Variants in GRM8 observed in about 807,000 individuals in gnomAD.
GRM8 encodes the protein glutamate metabotropic receptor 8.
In GRM8, 47 loss-of-function variants were observed where a neutral mutation model predicts 87.2. That is an observed-to-expected ratio of 0.54 (90% CI 0.43 to 0.69). GRM8 has a LOEUF of 0.69. Ranked by LOEUF, GRM8 falls within the 30% of genes least tolerant of loss-of-function variation. GRM8 has a pLI of 0.00. For missense variants in GRM8, 1,019 were observed against 1,139.2 expected, an observed-to-expected ratio of 0.89 and a Z score of 1.52; for synonymous variants, 396 against 404.5, an observed-to-expected ratio of 0.98 and a Z score of 0.25.
rs1379665138 is a variant in GRM8 at position 127,091,933 on chromosome 7, G to A, written c.727+14563C>T. Among the ~76,000 whole-genome samples the A allele has an allele frequency of 3.5e-3, 82 of 23,104 alleles. 1 individual carries two copies. The highest frequency in any genetic ancestry group is 0.016 in the African/African-American group (79 of 4,982). 15.2% of individuals were successfully genotyped at this position (23,104 alleles called of 152,430 possible). A position where few individuals can be genotyped will look rare whatever the true frequency, so the allele number is the denominator to read the frequency against. ...CCCCTCCAACCCACTGATCATCCCC[G>A]CCATCCCACTGGTCATCCCCCCATC... On this transcript the variant is annotated intron_variant, in intron 3 of 10. Transcript: ENST00000339582.
intron 7 of GRM8, among the ~76,000 whole-genome samples, chr7:126,641,362 T>C (rs1441185798): frequency 1.3e-5 from 2 of 152,090 alleles, no homozygotes; most frequent in African/African-American, 4.8e-5. Context: ...TTTAGTCCAA[T>C]AAAAAGAAAC....
At chr7:127,020,520 G>T (rs1816157640) in intron 3 of GRM8, among the ~76,000 whole-genome samples, 1 of 151,966 alleles carries the variant, frequency 6.6e-6, no homozygotes, top group Non-Finnish European at 1.5e-5. Flanking sequence ...CTTCTTTTAG[G>T]GCAGTCTGGC....
chr7:126,969,095 C>A (rs921467305), intron 3 of GRM8, among the ~76,000 whole-genome samples: 1 of 152,096 alleles, frequency 6.6e-6, no homozygotes, highest in African/African-American at 2.4e-5. Flanking sequence ...TATTTTATTG[C>A]TAAAAATGCA....
At chr7:126,540,626 C>G (rs112759869) in intron 8 of GRM8, among the ~76,000 whole-genome samples, 10 of 152,246 alleles carry the variant, frequency 6.6e-5, no homozygotes, top group African/African-American at 2.4e-4. Flanking sequence ...TTGACACCTA[C>G]TACAAAATGG....
At chr7:126,817,717 G>A (rs1288860094) in intron 6 of GRM8, among the ~76,000 whole-genome samples, 1 of 152,012 alleles carries the variant, frequency 6.6e-6, no homozygotes, top group Non-Finnish European at 1.5e-5. Context: ...GACATTTGAG[G>A]GGAGTGGCTG....
At chr7:126,897,963 G>A (rs1190911426) in intron 6 of GRM8, among the ~76,000 whole-genome samples, 5 of 152,108 alleles carry the variant, frequency 3.3e-5, no homozygotes, top group Non-Finnish European at 5.9e-5. Context: ...TAAGACAGAA[G>A]TCCCTCCCTG....
At chr7:127,147,937 C>T (rs1019954382) in intron 2 of GRM8, among the ~76,000 whole-genome samples, 5 of 152,182 alleles carry the variant, frequency 3.3e-5, no homozygotes, top group South Asian at 2.1e-4. Flanking sequence ...TGCCCATCTT[C>T]GAACTCAACT....
At position 126,909,841 on chromosome 7, in the gene GRM8, C is replaced by A. The variant is rs13246983; in HGVS notation, c.728-5158G>T. On this transcript the variant is annotated intron_variant, in intron 3 of 10. Coordinates refer to ENST00000339582, the MANE Select transcript of GRM8 (RefSeq NM_000845.3). ...GGAAAATGAGAAACAGGGGTACCAA[C>A]GGCTTGCAAGATACTGAAATCCAGG... 4.2e-3 allele frequency among the ~76,000 whole-genome samples: 640 copies of A among 152,190 alleles called. 7 individuals carry two copies. Among genetic ancestry groups the A allele is most frequent in the African/African-American group, 0.014 (599 of 41,550 alleles).
intron 6 of GRM8, among the ~76,000 whole-genome samples, chr7:126,804,769 C>A (rs541968836): frequency 7.9e-5 from 12 of 152,274 alleles, no homozygotes; most frequent in South Asian, 4.1e-4. Context: ...ATGTTTATAA[C>A]AAAGGATATG....
At chr7:127,081,517 G>A (rs17865862) in intron 3 of GRM8, among the ~76,000 whole-genome samples, 1,679 of 152,238 alleles carry the variant, frequency 0.011, 27 homozygotes, top group African/African-American at 0.037. Context: ...GCTGTAATTG[G>A]GTGAGTTAAT....
chr7:126,803,784 C>A (rs966618918), intron 6 of GRM8, among the ~76,000 whole-genome samples: 46 of 152,176 alleles, frequency 3.0e-4, no homozygotes, highest in Admixed American at 2.0e-4. Flanking sequence ...CTTACTTGGG[C>A]AGAGTATTTA....
intron 3 of GRM8, among the ~76,000 whole-genome samples, chr7:127,011,536 C>T (rs1168934165): frequency 1.3e-5 from 2 of 152,046 alleles, no homozygotes; most frequent in East Asian, 3.9e-4. Context: ...TACTCTGTGC[C>T]TGAAGCCTAA....
intron 2 of GRM8, among the ~76,000 whole-genome samples, chr7:127,200,277 A>AT (rs1342885003): frequency 1.3e-5 from 2 of 152,010 alleles, no homozygotes; most frequent in African/African-American, 2.4e-5. Flanking sequence ...GCTTCTTTAG[A>AT]TTTTTTTTAA....
intron 9 of GRM8, among the ~76,000 whole-genome samples, chr7:126,505,756 A>G (rs1352765608): frequency 1.3e-5 from 2 of 152,128 alleles, no homozygotes; most frequent in Non-Finnish European, 2.9e-5. Flanking sequence ...ACATCTTGAT[A>G]TAGATATACG....
intron 7 of GRM8, among the ~76,000 whole-genome samples, chr7:126,701,040 T>A (rs865987850): frequency 6.6e-6 from 1 of 152,030 alleles, no homozygotes; most frequent in African/African-American, 2.4e-5. Flanking sequence ...AATAAATGTA[T>A]ATATATATGT....
chr7:126,968,730 C>G (rs948003743), intron 3 of GRM8, among the ~76,000 whole-genome samples: 1 of 152,118 alleles, frequency 6.6e-6, no homozygotes, highest in South Asian at 2.1e-4. Flanking sequence ...ATAATAAACT[C>G]TCTAAAGAAA....
intron 3 of GRM8, among the ~76,000 whole-genome samples, chr7:126,974,242 A>T (rs768257347): frequency 6.6e-6 from 1 of 152,172 alleles, no homozygotes; most frequent in Non-Finnish European, 1.5e-5. Context: ...AATCTGAAAC[A>T]CTTCTGGCCT....
intron 6 of GRM8, among the ~76,000 whole-genome samples, chr7:126,781,920 T>C (rs1408906857): frequency 6.6e-6 from 1 of 152,082 alleles, no homozygotes; most frequent in Non-Finnish European, 1.5e-5. Flanking sequence ...CTCCTCATAT[T>C]TCCCAGGCTG....
At chr7:126,629,612 A>T (rs1801055811) in intron 7 of GRM8, among the ~76,000 whole-genome samples, 1 of 152,148 alleles carries the variant, frequency 6.6e-6, no homozygotes, top group Non-Finnish European at 1.5e-5. Context: ...AATAAAAAAA[A>T]TATCAAACTA....
Sources: allele counts gnomAD v4.1 joint callset (sites outside exome capture counted in the v4.1 genomes callset), GRCh38; gene constraint gnomAD v4.1.1; transcripts MANE v1.5; gene names NCBI Gene and HGNC (gene_info 2026-07-23, HGNC 2026-07-21).